The following PIH1D2 variants were observed in gnomAD, a reference collection of about 807,000 sequenced individuals.
The protein encoded by PIH1D2 is PIH1 domain-containing protein 2.
In PIH1D2, 25 loss-of-function variants were observed where a neutral mutation model predicts 31.2. The ratio of observed to expected loss-of-function variants is 0.80; its 90% confidence interval spans 0.58 to 1.12. The LOEUF (loss-of-function observed/expected upper bound fraction) is 1.12. PIH1D2 is among the 50% of genes most tolerant of loss of function. PIH1D2 has a pLI of 0.00. For synonymous variants in PIH1D2, 116 were observed against 119.9 expected, an observed-to-expected ratio of 0.97 and a Z score of 0.21; for missense variants, 310 against 356.6, an observed-to-expected ratio of 0.87 and a Z score of 1.05.
chr11:112,070,110 TCCTGTG>T, intron 5 of PIH1D2: 5 of 490,780 alleles, frequency 1.0e-5, no homozygotes, highest in Non-Finnish European at 1.8e-5. Context: ...CCATATGACT[TCCTGTG>T]ACTGTGAGAA....
chr11:112,062,033 G>A (rs74369020), downstream of PIH1D2, among the ~76,000 whole-genome samples: 2,967 of 152,310 alleles, frequency 0.019, 47 homozygotes, highest in South Asian at 0.032. Context: ...TTTATTCTAG[G>A]TGAGGAGTCA....
chr11:112,054,588 C>T, the PIH1D2 span, among the ~76,000 whole-genome samples: 2 of 152,138 alleles, frequency 1.3e-5, no homozygotes, highest in Non-Finnish European at 2.9e-5. Context: ...TCTGATCAAA[C>T]CTATTGGGTA....
downstream of PIH1D2, among the ~76,000 whole-genome samples, chr11:112,064,868 G>A (rs1864861989): frequency 7.4e-6 from 1 of 134,794 alleles, no homozygotes; most frequent in Admixed American, 8.1e-5. Flanking sequence ...TTTTTGAGAT[G>A]GAGTCTGTGT....
the PIH1D2 span, among the ~76,000 whole-genome samples, chr11:112,052,838 T>A: frequency 6.6e-6 from 1 of 152,090 alleles, no homozygotes. Flanking sequence ...ACCCTTCCAG[T>A]GACTGGCGCC....
intron 1 of PIH1D2, 78 bp from the exon 2 acceptor site, chr11:112,073,283 G>T: frequency 9.7e-7 from 1 of 1,032,866 alleles, no homozygotes; most frequent in Non-Finnish European, 1.4e-6. Context: ...AGGTGGAATG[G>T]GTCAGGAATT....
rs1865180244 is a variant in PIH1D2, at chr11:112,072,884, CAAAACAAAAAA to C, written c.177+103_177+113del. ...TCTCAAAAAACAAAACAAAACAAAA[CAAAACAAAAAA>C]AAAACAAAAAAAATTAGCAATACCT... On this transcript the variant is annotated intron_variant, in intron 2 of 5. Transcript: ENST00000280350. 1.7e-5 allele frequency: 16 copies of C among 927,108 alleles called. No homozygotes were observed. The South Asian group carries it at 2.5e-4, about 14-fold the overall frequency. The allele number at this position is 927,108 out of a possible 1,614,324, so 57.4% of individuals were successfully genotyped here.
chr11:112,066,995 G>A (rs782520203), downstream of PIH1D2, among the ~76,000 whole-genome samples: 1 of 152,130 alleles, frequency 6.6e-6, no homozygotes, highest in African/African-American at 2.4e-5. Context: ...CCTGGGAGGC[G>A]AAGGTTGCAG....
downstream of PIH1D2, chr11:112,062,527 T>C: frequency 3.1e-6 from 5 of 1,612,390 alleles, no homozygotes; most frequent in Non-Finnish European, 4.2e-6. Context: ...TATCACTATG[T>C]TGTTGTAACT....
downstream of PIH1D2, among the ~76,000 whole-genome samples, chr11:112,066,138 A>C (rs1385859876): frequency 6.6e-6 from 1 of 152,208 alleles, no homozygotes; most frequent in Non-Finnish European, 1.5e-5. Context: ...TTACAAGGAT[A>C]ATTAAAGGAA....
chr11:112,055,604 G>A, the PIH1D2 span, among the ~76,000 whole-genome samples: 1 of 151,944 alleles, frequency 6.6e-6, no homozygotes, highest in Non-Finnish European at 1.5e-5. Flanking sequence ...TTCTGAGTTA[G>A]CCACTGTTAC....
chr11:112,059,902 G>T (rs1555182999), downstream of PIH1D2: 1 of 1,599,654 alleles, frequency 6.3e-7, no homozygotes, highest in Admixed American at 1.7e-5. Flanking sequence ...TTTTTAAACA[G>T]AAATCATGTT....
At chr11:112,053,399 C>T in the PIH1D2 span, among the ~76,000 whole-genome samples, 1 of 152,022 alleles carries the variant, frequency 6.6e-6, no homozygotes, top group East Asian at 1.9e-4. Flanking sequence ...TGTTCTAACC[C>T]TTAATCTGAG....
chr11:112,070,116 G>T, intron 5 of PIH1D2: 1 of 502,118 alleles, frequency 2.0e-6, no homozygotes, highest in Non-Finnish European at 3.6e-6. Flanking sequence ...GACTTCCTGT[G>T]ACTGTGAGAA....
downstream of PIH1D2, among the ~76,000 whole-genome samples, chr11:112,064,857 T>TC (rs1555183685): frequency 6.6e-6 from 1 of 151,096 alleles, no homozygotes; most frequent in Non-Finnish European, 1.5e-5. Flanking sequence ...TTTTTTTTTT[T>TC]TTTTTGAGAT....
chr11:112,069,151 A>C (rs1447551263), intron 5 of PIH1D2, among the ~76,000 whole-genome samples: 3 of 151,300 alleles, frequency 2.0e-5, no homozygotes, highest in African/African-American at 7.3e-5. Flanking sequence ...GGTGCCCACC[A>C]CCACGCCCGG....
At position 112,072,041 on chromosome 11, in the gene PIH1D2, C is replaced by T. The variant is rs185055463; in HGVS notation, c.178-283G>A. Among the ~76,000 whole-genome samples, 1,513 of 151,882 alleles carry T rather than the reference C, an allele frequency of 1.0e-2. 19 individuals are homozygous for T. The highest frequency in any genetic ancestry group is 0.034 in the African/African-American group (1,404 of 41,426). On this transcript the variant is annotated intron_variant, in intron 2 of 5. Coordinates refer to ENST00000280350, the MANE Select transcript of PIH1D2 (RefSeq NM_138789.4). ...CCAGGAGGCGGAGGTTGCAGTGAGC[C>T]AAGATTGTGCCATTGCACTCCTGCC...
At chr11:112,063,061 G>C (rs1234642850), downstream of PIH1D2, 1 of 155,516 alleles carries the variant, frequency 6.4e-6, no homozygotes, top group African/African-American at 2.4e-5. Context: ...TCGATGGGAA[G>C]GGTAGAAAAC....
chr11:112,055,608 C>G, the PIH1D2 span, among the ~76,000 whole-genome samples: 2 of 152,046 alleles, frequency 1.3e-5, no homozygotes, highest in Admixed American at 1.3e-4. Flanking sequence ...GAGTTAGCCA[C>G]TGTTACTGAA....
chr11:112,068,991 T>G lies in PIH1D2; in HGVS notation c.814-986A>C, dbSNP rs587647642. On this transcript the variant is annotated intron_variant, in intron 5 of 5. Coordinates refer to ENST00000280350, the MANE Select transcript of PIH1D2 (RefSeq NM_138789.4). Reference sequence around the variant, plus strand: ...CCTCTGAATTTTTTTTGTTTTTTTTTTTTTTTGTTTTTTTTTTTTTGAGGG... The same window carrying G: ...CCTCTGAATTTTTTTTGTTTTTTTTGTTTTTTGTTTTTTTTTTTTTGAGGG... 4.1e-5 allele frequency among the ~76,000 whole-genome samples: 6 copies of G among 146,562 alleles called. No homozygotes were observed. In the South Asian group the frequency reaches 6.5e-4, roughly 16 times the overall value.
Sources: gnomAD v4.1 joint callset for allele counts (sites outside exome capture counted in the v4.1 genomes callset) on GRCh38, gnomAD v4.1.1 for gene constraint, MANE v1.5 for transcripts, NCBI Gene and HGNC (gene_info 2026-07-23, HGNC 2026-07-21) for gene names.